Variants in CHRM3 observed in about 807,000 individuals in gnomAD.
The protein encoded by CHRM3 is cholinergic receptor muscarinic 3.
In CHRM3, 11 loss-of-function variants were observed where a neutral mutation model predicts 41.8. That is an observed-to-expected ratio of 0.26 (90% CI 0.17 to 0.44). The LOEUF (loss-of-function observed/expected upper bound fraction) is 0.44, where lower values mean the gene tolerates loss of function less well. Among genes scored for constraint, CHRM3 ranks in the 20% least tolerant of loss-of-function variants. The pLI is 1.00. For synonymous variants in CHRM3, 297 were observed against 301.4 expected (o/e 0.99, Z 0.15); for missense variants, 571 against 745.4 (o/e 0.77, Z 2.72).
intron 3 of CHRM3, among the ~76,000 whole-genome samples, chr1:239,609,546 T>G (rs1666752492): frequency 6.6e-6 from 1 of 152,198 alleles, no homozygotes; most frequent in South Asian, 2.1e-4. Flanking sequence ...TAGGTATATG[T>G]TTAAATTTTT....
chr1:239,634,042 A>T (rs1338589510), intron 4 of CHRM3, among the ~76,000 whole-genome samples: 2 of 152,188 alleles, frequency 1.3e-5, no homozygotes, highest in East Asian at 1.9e-4. Context: ...TGAGATGTTA[A>T]GAACTTTGTC....
chr1:239,462,229 T>C (rs1219576983), intron 1 of CHRM3, among the ~76,000 whole-genome samples: 1 of 152,214 alleles, frequency 6.6e-6, no homozygotes, highest in Non-Finnish European at 1.5e-5. Context: ...ATTCATTTTA[T>C]TATTCCACAA....
intron 3 of CHRM3, among the ~76,000 whole-genome samples, chr1:239,563,474 C>T (rs1452460118): frequency 6.6e-6 from 1 of 152,080 alleles, no homozygotes. Flanking sequence ...CTTGAGTTAC[C>T]TTTCTACTGG....
intron 5 of CHRM3, among the ~76,000 whole-genome samples, chr1:239,791,254 A>G (rs1165659844): frequency 6.6e-6 from 1 of 152,078 alleles, no homozygotes. Context: ...ACAGGCATGC[A>G]CCACCACATC....
At chr1:239,526,510 G>A (rs1009250189) in intron 2 of CHRM3, among the ~76,000 whole-genome samples, 1 of 152,150 alleles carries the variant, frequency 6.6e-6, no homozygotes, top group Non-Finnish European at 1.5e-5. Context: ...CTGGGTGTCA[G>A]TATTTGCTAG....
At chr1:239,792,547 T>C (rs942332145) in intron 5 of CHRM3, among the ~76,000 whole-genome samples, 1 of 152,198 alleles carries the variant, frequency 6.6e-6, no homozygotes, top group Non-Finnish European at 1.5e-5. Context: ...TGTAGACAAA[T>C]AGATGAAATC....
chr1:239,643,357 C>A lies in CHRM3; in HGVS notation c.-250+11071C>A, dbSNP rs7516359. Among the ~76,000 whole-genome samples, 899 of 152,334 alleles carry A rather than the reference C, an allele frequency of 5.9e-3. 11 individuals are homozygous for A. The highest frequency in any genetic ancestry group is 0.021 in the African/African-American group (861 of 41,576). ...ACTGCTATCTTTTTATTTGTCTGTG[C>A]CCTGCCCCCAGAGGTGGAGCCTACA... is the stretch of plus-strand genomic sequence containing the variant. On this transcript the variant is annotated intron_variant, in intron 4 of 6. Transcript: ENST00000676153.
intron 3 of CHRM3, among the ~76,000 whole-genome samples, chr1:239,562,643 G>A (rs777967928): frequency 3.3e-5 from 5 of 151,870 alleles, no homozygotes; most frequent in African/African-American, 9.7e-5. Context: ...TAATCCCAGC[G>A]CTTTGGGAGG....
chr1:239,392,715 G>C (rs755853032), intron 1 of CHRM3, among the ~76,000 whole-genome samples: 1 of 152,140 alleles, frequency 6.6e-6, no homozygotes, highest in Non-Finnish European at 1.5e-5. Context: ...TTTACCATAG[G>C]TAGCTATGGC....
intron 5 of CHRM3, among the ~76,000 whole-genome samples, chr1:239,760,016 A>G (rs377242768): frequency 1.9e-4 from 28 of 151,334 alleles, no homozygotes; most frequent in South Asian, 6.3e-4. Flanking sequence ...CCGGGTTCAC[A>G]CCATTCTCCT....
chr1:239,862,231 T>C (rs892800571), intron 6 of CHRM3, among the ~76,000 whole-genome samples: 2 of 152,234 alleles, frequency 1.3e-5, no homozygotes, highest in African/African-American at 2.4e-5. Flanking sequence ...CACAGACTTG[T>C]AGAAAACACC....
intron 1 of CHRM3, among the ~76,000 whole-genome samples, chr1:239,440,438 C>T (rs959731892): frequency 7.2e-5 from 11 of 152,126 alleles, no homozygotes; most frequent in African/African-American, 2.7e-4. Flanking sequence ...GCTTGGGCAA[C>T]TTAGTAAGAC....
At chr1:239,853,993 AG>A (rs1171298471) in intron 6 of CHRM3, among the ~76,000 whole-genome samples, 2 of 152,120 alleles carry the variant, frequency 1.3e-5, no homozygotes, top group Admixed American at 6.6e-5. Context: ...TGGAGAAGTT[AG>A]GAATTGCTCT....
At chr1:239,708,736 C>CTTTTTT (rs869143310) in intron 5 of CHRM3, among the ~76,000 whole-genome samples, 14 of 48,338 alleles carry the variant, frequency 2.9e-4, no homozygotes, top group East Asian at 7.9e-4. Flanking sequence ...TTTAAATTTT[C>CTTTTTT]TTTTTTTTTT....
Position 239,532,009 on chromosome 1 carries a change from C to CTTT in CHRM3, c.-421-13613_-421-13611dup, listed in dbSNP as rs34798101. On this transcript the variant is annotated intron_variant, in intron 2 of 6. Transcript: ENST00000676153. ...TATTTCTTTTTTCTTTTCCTTCTTT[C>CTTT]TTTTTTTTTTTTTTTTTTTTTGAGA... Among the ~76,000 whole-genome samples, 671 of 76,308 alleles carry CTTT rather than the reference C, an allele frequency of 8.8e-3. 46 individuals are homozygous for CTTT. Among genetic ancestry groups the CTTT allele is most frequent in the African/African-American group, 0.03 (529 of 17,542 alleles). The allele number at this position is 76,308 out of a possible 152,430, so 50.1% of individuals were successfully genotyped here. A position where few individuals can be genotyped will look rare whatever the true frequency, so the allele number is the denominator to read the frequency against.
intron 6 of CHRM3, among the ~76,000 whole-genome samples, chr1:239,853,502 T>G (rs1674863955): frequency 6.6e-6 from 1 of 152,036 alleles, no homozygotes; most frequent in Non-Finnish European, 1.5e-5. Flanking sequence ...TTATTTTTTC[T>G]TATACATTTA....
chr1:239,450,944 C>G (rs371178005), intron 1 of CHRM3, among the ~76,000 whole-genome samples: 2 of 152,200 alleles, frequency 1.3e-5, no homozygotes, highest in African/African-American at 2.4e-5. Flanking sequence ...AATGCCAGCA[C>G]TTTGGGAGGC....
At chr1:239,701,265 TC>T (rs940203229) in intron 5 of CHRM3, among the ~76,000 whole-genome samples, 3 of 152,220 alleles carry the variant, frequency 2.0e-5, no homozygotes, top group Admixed American at 2.0e-4. Context: ...TGGTCCTCGT[TC>T]TACCAGTTCT....
At chr1:239,772,245 G>T (rs1667741379) in intron 5 of CHRM3, among the ~76,000 whole-genome samples, 1 of 151,996 alleles carries the variant, frequency 6.6e-6, no homozygotes, top group African/African-American at 2.4e-5. Context: ...CTGCCTCCCG[G>T]GTTCAAGCGA....
Sources: allele counts gnomAD v4.1 joint callset (sites outside exome capture counted in the v4.1 genomes callset), GRCh38; gene constraint gnomAD v4.1.1; transcripts MANE v1.5; gene names NCBI Gene and HGNC (gene_info 2026-07-23, HGNC 2026-07-21).